INTU: variants seen among roughly 807,000 people sequenced by gnomAD.
The protein encoded by INTU is inturned planar cell polarity protein.
Under a neutral mutation model 100.5 loss-of-function variants are expected in INTU, and 68 were observed. The ratio of observed to expected loss-of-function variants is 0.68; its 90% CI spans 0.56 to 0.83. The LOEUF is 0.83. INTU is among the 40% of genes least tolerant of loss of function. INTU has a pLI of 0.00. For synonymous variants in INTU, 357 were observed against 395.7 expected, an observed-to-expected ratio of 0.90 and a Z score of 1.16; for missense variants, 1,071 against 1,114.7, an observed-to-expected ratio of 0.96 and a Z score of 0.56.
In INTU at chr4:127,724,037, A is replaced by C. The variant is rs181905859; in HGVS notation, c.*7601A>C. ...TTATATAATTCATGAATTTCAGGAA[A>C]GCTGCATGTAAATCTTTTTTTAAAG... On this transcript the variant is annotated 3_prime_UTR_variant, in exon 16 of 16. Transcript: ENST00000335251. The C allele has an allele frequency of 6.6e-6, 1 of 152,352 alleles. No individual in the cohort carries two copies. The highest frequency in any genetic ancestry group is 1.9e-4 in the East Asian group (1 of 5,194). 9.4% of individuals were successfully genotyped at this position (152,352 alleles called of 1,614,324 possible). A position where few individuals can be genotyped will look rare whatever the true frequency, so the allele number is the denominator to read the frequency against.
chr4:127,656,878 A>T (rs1040055327), intron 3 of INTU, among the ~76,000 whole-genome samples, 157 bp downstream of exon 3: 1 of 152,190 alleles, frequency 6.6e-6, no homozygotes, highest in African/African-American at 2.4e-5. Flanking sequence ...GCTCTTGCTA[A>T]TATTATTAGC....
chr4:127,663,735 G>A (rs754034423), intron 4 of INTU, 151 bp downstream of exon 4: 4 of 602,722 alleles, frequency 6.6e-6, no homozygotes, highest in Non-Finnish European at 1.2e-5. Flanking sequence ...TTAAAATTGT[G>A]TATCTAATAC....
At chr4:127,674,283 T>C in intron 6 of INTU, 70 bp downstream of exon 6, 1 of 1,234,062 alleles carries the variant, frequency 8.1e-7, no homozygotes, top group Non-Finnish European at 1.2e-6. Context: ...TTAAAATTAT[T>C]ACATTTTTGT....
chr4:127,684,348 CT>C, intron 6 of INTU, 60 bp from the exon 7 acceptor site: 1 of 916,192 alleles, frequency 1.1e-6, no homozygotes, highest in Admixed American at 2.0e-5. Context: ...TGATCTACTT[CT>C]TTTAGATAAA....
intron 1 of INTU, among the ~76,000 whole-genome samples, chr4:127,642,922 A>G (rs1578526990): frequency 6.6e-6 from 1 of 152,106 alleles, no homozygotes. Context: ...GATCATTACT[A>G]TATTAACTGT....
chr4:127,677,459 G>A (rs916078052), intron 6 of INTU, among the ~76,000 whole-genome samples: 2 of 150,776 alleles, frequency 1.3e-5, no homozygotes, highest in Non-Finnish European at 2.9e-5. Context: ...CTGCTGTTCT[G>A]CAGCCACCGC....
At chr4:127,657,321 G>T (rs928280119) in intron 3 of INTU, among the ~76,000 whole-genome samples, 9 of 151,962 alleles carry the variant, frequency 5.9e-5, no homozygotes, top group Non-Finnish European at 1.0e-4. Flanking sequence ...AGTTATTAGG[G>T]GTATTTTGCA....
chr4:127,717,698 A>T lies in INTU; in HGVS notation c.*1262A>T, dbSNP rs768498937. ...TAGCCACTCTGACTGGTGTGAGATG[A>T]TATCTCATTGTGGTTTTGATTTGCA... On this transcript the variant is annotated 3_prime_UTR_variant, in exon 16 of 16. Coordinates refer to ENST00000335251, the MANE Select transcript of INTU (RefSeq NM_015693.4). 1 of 152,092 alleles carries T rather than the reference A, an allele frequency of 6.6e-6. No homozygotes were observed. Among genetic ancestry groups the T allele is most frequent in the Non-Finnish European group, 1.5e-5 (1 of 67,998 alleles). 9.4% of individuals were successfully genotyped at this position (152,092 alleles called of 1,614,324 possible). A position where few individuals can be genotyped will look rare whatever the true frequency, so the allele number is the denominator to read the frequency against.
intron 2 of INTU, among the ~76,000 whole-genome samples, chr4:127,653,698 G>T (rs1475489972): frequency 6.7e-6 from 1 of 150,018 alleles, no homozygotes; most frequent in Admixed American, 6.6e-5. Context: ...TGTATATTCT[G>T]TTGATTTGGG....
In INTU at chr4:127,656,659, G is replaced by C; in HGVS notation, c.706G>C (p.Asp236His). The change falls in exon 3 of 16, where the codon GAT becomes CAT. Residue 236 changes from aspartate to histidine, a missense_variant. Asp to His is a moderately conservative substitution (Grantham distance 81). Transcript: ENST00000335251. ...LIGDVLVAVNDVDVTTENIER... is the reference protein window; with the variant it reads ...LIGDVLVAVNHVDVTTENIER... ...AGGTGATGTCCTTGTTGCTGTGAAT[G>C]ATGTCGATGTTACTACTGAAAACAT... 1 of 1,610,142 alleles carries C rather than the reference G, an allele frequency of 6.2e-7. No homozygotes were observed. The highest frequency in any genetic ancestry group is 2.2e-5 in the East Asian group (1 of 44,844).
At position 127,722,484 on chromosome 4, in the gene INTU, T is replaced by G. The variant is rs1009075243; in HGVS notation, c.*6048T>G. ...TGTCTGCCCCTTGACAGGGTGGGTGTGCTACACTGGGGGGAATCCCCCTCA... is the reference window on the plus strand; with the variant it reads ...TGTCTGCCCCTTGACAGGGTGGGTGGGCTACACTGGGGGGAATCCCCCTCA... On this transcript the variant is annotated 3_prime_UTR_variant, in exon 16 of 16. Coordinates refer to ENST00000335251, the MANE Select transcript of INTU (RefSeq NM_015693.4). 6.6e-6 allele frequency: 1 copy of G among 152,322 alleles called. No homozygotes were observed. Among genetic ancestry groups the G allele is most frequent in the African/African-American group, 2.4e-5 (1 of 41,458 alleles). 9.4% of individuals were successfully genotyped at this position (152,322 alleles called of 1,614,324 possible).
chr4:127,721,833 C>T lies in INTU; in HGVS notation c.*5397C>T, dbSNP rs1422160197. 1 of 152,214 alleles carries T rather than the reference C, an allele frequency of 6.6e-6. No homozygotes were observed. The highest frequency in any genetic ancestry group is 1.9e-4 in the East Asian group (1 of 5,202). The allele number at this position is 152,214 out of a possible 1,614,324, so 9.4% of individuals were successfully genotyped here. On this transcript the variant is annotated 3_prime_UTR_variant, in exon 16 of 16. Transcript: ENST00000335251. ...TCCATCAGATCATTTACGTTCCTCTCCAAACTGGTTATTCTGTTTAACAGC... is the reference window on the plus strand; with the variant it reads ...TCCATCAGATCATTTACGTTCCTCTTCAAACTGGTTATTCTGTTTAACAGC...
intron 1 of INTU, among the ~76,000 whole-genome samples, chr4:127,642,705 A>G (rs1204206794): frequency 6.6e-6 from 1 of 152,112 alleles, no homozygotes; most frequent in African/African-American, 2.4e-5. Flanking sequence ...AACAGGGTAG[A>G]GTTTAGGTTT....
Position 127,719,342 on chromosome 4 carries a change from G to C in INTU, c.*2906G>C, listed in dbSNP as rs764216484. The C allele has an allele frequency of 1.3e-5, 2 of 152,136 alleles. No individual in the cohort carries two copies. Among genetic ancestry groups the C allele is most frequent in the Non-Finnish European group, 2.9e-5 (2 of 68,012 alleles). 9.4% of individuals were successfully genotyped at this position (152,136 alleles called of 1,614,324 possible). ...TCCCGGGAATGAAGCCAACTTGATC[G>C]TGGTGGATAAGCTTTTTGATGTGCT... On this transcript the variant is annotated 3_prime_UTR_variant, in exon 16 of 16. Transcript: ENST00000335251.
At chr4:127,679,354 T>G (rs889081613) in intron 6 of INTU, among the ~76,000 whole-genome samples, 3 of 152,018 alleles carry the variant, frequency 2.0e-5, no homozygotes, top group African/African-American at 7.2e-5. Flanking sequence ...TACTTGGAAG[T>G]AAAGCTCTCC....
At chr4:127,678,456 T>C (rs927367907) in intron 6 of INTU, among the ~76,000 whole-genome samples, 1 of 152,132 alleles carries the variant, frequency 6.6e-6, no homozygotes, top group African/African-American at 2.4e-5. Flanking sequence ...TCAACATTCT[T>C]AAAGAGAAGA....
intron 2 of INTU, among the ~76,000 whole-genome samples, chr4:127,650,068 G>C (rs1029426511): frequency 1.3e-5 from 2 of 152,142 alleles, no homozygotes; most frequent in African/African-American, 4.8e-5. Context: ...CAAACATGCA[G>C]TGTATTTTGA....
chr4:127,673,016 A>G (rs1729004325), intron 5 of INTU, among the ~76,000 whole-genome samples: 1 of 152,218 alleles, frequency 6.6e-6, no homozygotes, highest in Non-Finnish European at 1.5e-5. Context: ...TTCCTTGAGA[A>G]CACATTTAAA....
intron 1 of INTU, among the ~76,000 whole-genome samples, chr4:127,639,822 G>T (rs1401006330): frequency 1.3e-5 from 2 of 152,032 alleles, no homozygotes; most frequent in Non-Finnish European, 2.9e-5. Context: ...CTATAATATT[G>T]TTAACTATAG....
Sources: allele counts gnomAD v4.1 joint callset (sites outside exome capture counted in the v4.1 genomes callset), GRCh38; gene constraint gnomAD v4.1.1; transcripts MANE v1.5; gene names NCBI Gene and HGNC (gene_info 2026-07-23, HGNC 2026-07-21).